The following SMARCE1 variants were observed in gnomAD, a reference collection of about 807,000 sequenced individuals.
SMARCE1 encodes SWI/SNF related BAF chromatin remodeling complex subunit E1, also known as SWI/SNF-related matrix-associated actin-dependent regulator of chromatin subfamily E member 1.
A neutral mutation model predicts 54.9 loss-of-function variants in SMARCE1; 13 were observed. The ratio of observed to expected loss-of-function variants is 0.24; its 90% CI spans 0.15 to 0.38. The LOEUF (loss-of-function observed/expected upper bound fraction) is 0.38, where lower values mean the gene tolerates loss of function less well. Ranked by LOEUF, SMARCE1 falls within the 10% of genes least tolerant of loss-of-function variation. SMARCE1 has a pLI of 1.00. For synonymous variants in SMARCE1, 151 were observed against 175.3 expected (o/e 0.86, Z 1.10); for missense variants, 295 against 523.8 (o/e 0.56, Z 4.26).
Position 40,625,385 on chromosome 17 carries a change from T to C in SMARCE1, c.*3400A>G, listed in dbSNP as rs2037025086. ...GTGGATTTTTCATTTGCAAAGACGT[T>C]AAGCCCTCCAAATGTGCAAATCATG... On this transcript the variant is annotated 3_prime_UTR_variant, in exon 11 of 11. Coordinates refer to ENST00000348513, the MANE Select transcript of SMARCE1 (RefSeq NM_003079.5). 1 of 152,244 alleles carries C rather than the reference T, an allele frequency of 6.6e-6. No homozygotes were observed. Among genetic ancestry groups the C allele is most frequent in the Non-Finnish European group, 1.5e-5 (1 of 68,042 alleles). 9.4% of individuals were successfully genotyped at this position (152,244 alleles called of 1,614,324 possible).
chr17:40,645,287 A>C (rs2037244573), intron 3 of SMARCE1: 3 of 409,458 alleles, frequency 7.3e-6, no homozygotes, highest in Admixed American at 8.8e-5. Flanking sequence ...AAGATTAATA[A>C]GAAAGAAATG....
intron 10 of SMARCE1, chr17:40,629,373 CTTGTT>C (rs897027474): frequency 4.7e-5 from 20 of 430,074 alleles, no homozygotes; most frequent in African/African-American, 2.2e-4. Context: ...TGTTAAAACA[CTTGTT>C]TTGCTTAACT....
rs1290969322 is a variant in SMARCE1 at position 40,636,493 on chromosome 17, G to A, written c.271C>T (p.Leu91=). 4 of 1,612,208 alleles carry A rather than the reference G, an allele frequency of 2.5e-6. No homozygotes were observed. Among genetic ancestry groups the A allele is most frequent in the Non-Finnish European group, 3.4e-6 (4 of 1,178,684 alleles). ...WDQVKASNPD[L]KLWEIGKIIG... ...ATCTTGCCAATCTCCCACAACTTTA[G>A]GTCAGGGTTGGAAGCCTTTACTTGG... Residue 91 remains leucine, a synonymous_variant, in exon 6 of 11, where the codon CTA becomes TTA. Transcript: ENST00000348513.
rs994500342 is a variant in SMARCE1 at position 40,625,299 on chromosome 17, T to A, written c.*3486A>T. ...GAAACATTATTGCAGTAAGCCACATTATAATTCAGCACGATTTCTTCTAAA... is the reference window on the plus strand; with the variant it reads ...GAAACATTATTGCAGTAAGCCACATAATAATTCAGCACGATTTCTTCTAAA... On this transcript the variant is annotated 3_prime_UTR_variant, in exon 11 of 11. Coordinates refer to ENST00000348513, the MANE Select transcript of SMARCE1 (RefSeq NM_003079.5). 6 of 152,378 alleles carry A rather than the reference T, an allele frequency of 3.9e-5. No homozygotes were observed. The highest frequency in any genetic ancestry group is 2.0e-4 in the Admixed American group (3 of 15,314). The allele number at this position is 152,378 out of a possible 1,614,324, so 9.4% of individuals were successfully genotyped here.
intron 6 of SMARCE1, 66 bp downstream of exon 6, chr17:40,636,329 T>C (rs968928250): frequency 3.3e-6 from 5 of 1,515,054 alleles, no homozygotes; most frequent in Non-Finnish European, 4.6e-6. Flanking sequence ...GTTACTTTTA[T>C]AAATAGTAAG....
rs1474553832 is a variant in SMARCE1 at position 40,628,745 on chromosome 17, A to AT, written c.*39dup. On this transcript the variant is annotated 3_prime_UTR_variant, in exon 11 of 11. Coordinates refer to ENST00000348513, the MANE Select transcript of SMARCE1 (RefSeq NM_003079.5). Reference sequence around the variant, plus strand: ...CATTAAAACCAAAAAACATTTTTTCATTAAAAAAAGTATTTAGAACACACA... The same window carrying AT: ...CATTAAAACCAAAAAACATTTTTTCATTTAAAAAAAGTATTTAGAACACACA... The AT allele has an allele frequency of 4.0e-5, 61 of 1,539,366 alleles. No individual in the cohort carries two copies. The highest frequency in any genetic ancestry group is 5.4e-5 in the Non-Finnish European group (60 of 1,118,444).
At chr17:40,629,561 G>T in intron 10 of SMARCE1, 1 of 1,204,174 alleles carries the variant, frequency 8.3e-7, no homozygotes, top group Non-Finnish European at 1.0e-6. Context: ...GTCATGCTGG[G>T]CTGTTTCCTG....
rs2037097860 is a variant in SMARCE1, at chr17:40,631,747, C to T, written c.715-54G>A. On this transcript the variant is annotated intron_variant, in intron 8 of 10. Coordinates refer to ENST00000348513, the MANE Select transcript of SMARCE1 (RefSeq NM_003079.5). The stretch of plus-strand genomic sequence containing the variant: ...GTGTCTCATTTTTTAATGGTCCATA[C>T]TTTCAAACAGTGTACCAAATAATGT... 6 of 958,876 alleles carry T rather than the reference C, an allele frequency of 6.3e-6. No homozygotes were observed. The Admixed American group carries it at 7.3e-5, about 12-fold the overall frequency. 59.4% of individuals were successfully genotyped at this position (958,876 alleles called of 1,614,324 possible). A position where few individuals can be genotyped will look rare whatever the true frequency, so the allele number is the denominator to read the frequency against.
rs77380256 is a variant in SMARCE1 at position 40,629,563 on chromosome 17, T to C, written c.1028-570A>G. 5,817 of 1,204,518 alleles carry C rather than the reference T, an allele frequency of 4.8e-3. 198 individuals carry two copies. The African/African-American group carries it at 0.08, about 17-fold the overall frequency. The allele number at this position is 1,204,518 out of a possible 1,614,324, so 74.6% of individuals were successfully genotyped here. A position where few individuals can be genotyped will look rare whatever the true frequency, so the allele number is the denominator to read the frequency against. ...CACTTTGTTTAAAGTCATGCTGGGC[T>C]GTTTCCTGTAAGAAATTAAAAGCAT... is the stretch of plus-strand genomic sequence containing the variant. On this transcript the variant is annotated intron_variant, in intron 10 of 10. Coordinates refer to ENST00000348513, the MANE Select transcript of SMARCE1 (RefSeq NM_003079.5).
intron 4 of SMARCE1, among the ~76,000 whole-genome samples, chr17:40,639,084 C>T (rs1195571242): frequency 6.6e-6 from 1 of 152,104 alleles, no homozygotes; most frequent in Admixed American, 6.6e-5. Flanking sequence ...CATGCTAGTG[C>T]CCAGGTAGAC....
intron 10 of SMARCE1, chr17:40,630,426 AT>A: frequency 1.6e-6 from 1 of 639,796 alleles, no homozygotes. Flanking sequence ...TTCCAGTTTT[AT>A]TTACAAAAAC....
chr17:40,625,637 C>T lies in SMARCE1; in HGVS notation c.*3148G>A, dbSNP rs2037027929. 1 of 152,180 alleles carries T rather than the reference C, an allele frequency of 6.6e-6. No individual in the cohort carries two copies. Among genetic ancestry groups the T allele is most frequent in the Non-Finnish European group, 1.5e-5 (1 of 68,032 alleles). The allele number at this position is 152,180 out of a possible 1,614,324, so 9.4% of individuals were successfully genotyped here. The stretch of plus-strand genomic sequence containing the variant: ...AATAGGAGTTTCACACTGTCAGCAC[C>T]AACTGTCTAAAATCCAAAACTAGTA... On this transcript the variant is annotated 3_prime_UTR_variant, in exon 11 of 11. Transcript: ENST00000348513.
intron 10 of SMARCE1, chr17:40,630,473 T>C: frequency 1.6e-6 from 1 of 627,540 alleles, no homozygotes. Flanking sequence ...GGTATTACTT[T>C]GCAGAATGCT....
At chr17:40,630,175 T>A (rs747728235) in intron 10 of SMARCE1, 3 of 1,094,990 alleles carry the variant, frequency 2.7e-6, no homozygotes, top group Admixed American at 4.4e-5. Flanking sequence ...TATGTAAGTT[T>A]TATTTATACA....
In SMARCE1 at chr17:40,636,464, A is replaced by T. The variant is rs143363725; in HGVS notation, c.300T>A (p.Ile100=). ...CAGTGAGATCTCGCCACATGCCACCAATAATCTTGCCAATCTCCCACAACT... is the reference window on the plus strand; with the variant it reads ...CAGTGAGATCTCGCCACATGCCACCTATAATCTTGCCAATCTCCCACAACT... The part of the protein sequence containing the change: ...DLKLWEIGKI[I]GGMWRDLTDE... Residue 100 remains isoleucine, a synonymous_variant, in exon 6 of 11, where the codon ATT becomes ATA. Coordinates refer to ENST00000348513, the MANE Select transcript of SMARCE1 (RefSeq NM_003079.5). The T allele has an allele frequency of 2.6e-4, 414 of 1,612,486 alleles. No homozygotes were observed. Among genetic ancestry groups the T allele is most frequent in the Non-Finnish European group, 3.4e-4 (398 of 1,179,058 alleles).
intron 4 of SMARCE1, among the ~76,000 whole-genome samples, chr17:40,638,147 T>C: frequency 6.6e-6 from 1 of 152,198 alleles, no homozygotes. Context: ...TAAGGTTCTG[T>C]CTGTTACCTA....
At position 40,627,055 on chromosome 17, in the gene SMARCE1, AACT is replaced by A. The variant is rs1240311738; in HGVS notation, c.*1727_*1729del. On this transcript the variant is annotated 3_prime_UTR_variant, in exon 11 of 11. Coordinates refer to ENST00000348513, the MANE Select transcript of SMARCE1 (RefSeq NM_003079.5). ...CTGGGGCAGTTTTCCACCCATATTA[AACT>A]ACATCTGCCCCATTTTGACTACTAG... is the stretch of plus-strand genomic sequence containing the variant. The A allele has an allele frequency of 6.6e-6, 1 of 152,178 alleles. No individual in the cohort carries two copies. Among genetic ancestry groups the A allele is most frequent in the Admixed American group, 6.5e-5 (1 of 15,282 alleles). The allele number at this position is 152,178 out of a possible 1,614,324, so 9.4% of individuals were successfully genotyped here.
chr17:40,635,984 C>A lies in SMARCE1; in HGVS notation c.488G>T (p.Arg163Leu), dbSNP rs762623799. ...CATGTACGGTTCTCCTTTCTCCATG[C>A]GAGATTGTCTCTGTCGACTTTCTTC... ...LEEESRQRQS[R>L]MEKGEPYMSI... The change falls in exon 7 of 11, where the codon CGC becomes CTC. Residue 163 changes from arginine (R) to leucine (L), a missense_variant. This residue lies in a region of SMARCE1 where 101 missense variants were observed against 183.1 expected (regional missense o/e 0.55). Transcript: ENST00000348513. 6.2e-7 allele frequency: 1 copy of A among 1,613,412 alleles called. No individual in the cohort carries two copies. Among genetic ancestry groups the A allele is most frequent in the Non-Finnish European group, 8.5e-7 (1 of 1,179,696 alleles).
chr17:40,629,313 C>T, intron 10 of SMARCE1: 1 of 406,932 alleles, frequency 2.5e-6, no homozygotes, highest in Non-Finnish European at 4.3e-6. Flanking sequence ...AATGTTCCTT[C>T]TGTGTTGAAA....
Sources: allele counts gnomAD v4.1 joint callset (sites outside exome capture counted in the v4.1 genomes callset), GRCh38; gene constraint gnomAD v4.1.1; regional missense constraint gnomAD v4.1.1; transcripts MANE v1.5; gene names NCBI Gene and HGNC (gene_info 2026-07-23, HGNC 2026-07-21).